The following HYDIN variants were observed in gnomAD, a reference collection of about 807,000 sequenced individuals.
HYDIN encodes HYDIN axonemal central pair apparatus protein.
A neutral mutation model predicts 403.9 loss-of-function variants in HYDIN; 132 were observed. The observed-to-expected ratio is 0.33, with a 90% CI of 0.28 to 0.38. The LOEUF is 0.38. Ranked by LOEUF, HYDIN falls within the 10% of genes least tolerant of loss-of-function variation. The probability of loss-of-function intolerance (pLI) is 1.00; values close to 1 mark genes in which losing one functional copy is unlikely to be tolerated. For synonymous variants in HYDIN, 1,202 were observed against 1,891.7 expected (o/e 0.64, Z 9.46); for missense variants, 2,827 against 5,009.5 (o/e 0.56, Z 13.15).
In HYDIN at chr16:71,185,027, G is replaced by C. The variant is rs763297205; in HGVS notation, c.136-37C>G. The stretch of plus-strand genomic sequence containing the variant: ...AACAATAAGAACCAAAGATTCTTAA[G>C]TGGATGTACTGAAAAAGTGTTTTCA... On this transcript the variant is annotated intron_variant, in intron 2 of 85. Transcript: ENST00000393567. 8 of 1,483,484 alleles carry C rather than the reference G, an allele frequency of 5.4e-6. No individual in the cohort carries two copies. In the Admixed American group the frequency reaches 1.3e-4, roughly 25 times the overall value. 91.9% of individuals were successfully genotyped at this position (1,483,484 alleles called of 1,614,324 possible).
intron 43 of HYDIN, among the ~76,000 whole-genome samples, chr16:70,940,485 A>C (rs1332898149): frequency 1.3e-5 from 2 of 151,794 alleles, no homozygotes; most frequent in East Asian, 3.9e-4. Flanking sequence ...GTGTAATAAT[A>C]GTGTGACCGT....
intron 53 of HYDIN, among the ~76,000 whole-genome samples, chr16:70,897,488 C>T (rs967457108): frequency 4.0e-5 from 6 of 151,454 alleles, no homozygotes; most frequent in Non-Finnish European, 5.9e-5. Flanking sequence ...ACTTGAGTTT[C>T]GCCTTCTTTC....
At chr16:70,830,975 GT>G (rs1327287541) in intron 80 of HYDIN, among the ~76,000 whole-genome samples, 2 of 151,556 alleles carry the variant, frequency 1.3e-5, no homozygotes, top group Non-Finnish European at 2.9e-5. Flanking sequence ...TACTGTTGTT[GT>G]TTTGTAGAGA....
intron 3 of HYDIN, among the ~76,000 whole-genome samples, chr16:71,181,311 T>G (rs1357633420): frequency 6.6e-6 from 1 of 151,766 alleles, no homozygotes; most frequent in Non-Finnish European, 1.5e-5. Flanking sequence ...GATAGGAGGA[T>G]TTGCTATATC....
intron 1 of HYDIN, among the ~76,000 whole-genome samples, chr16:71,225,366 A>G (rs540311818): frequency 1.4e-4 from 22 of 152,086 alleles, no homozygotes; most frequent in Non-Finnish European, 2.8e-4. Context: ...AAATTCCTTA[A>G]ACTCTCATAC....
At chr16:71,178,434 A>AAAAAT (rs1555501894) in intron 4 of HYDIN, among the ~76,000 whole-genome samples, 6 of 94,544 alleles carry the variant, frequency 6.3e-5, no homozygotes, top group South Asian at 3.7e-4. Flanking sequence ...AAAAAAAAAA[A>AAAAAT]ATATATATAT....
In HYDIN at chr16:71,069,375, G is replaced by A; in HGVS notation, c.1866C>T (p.Tyr622=). The A allele has an allele frequency of 6.2e-7, 1 of 1,614,184 alleles. No homozygotes were observed. The highest frequency in any genetic ancestry group is 8.5e-7 in the Non-Finnish European group (1 of 1,180,022). ...CTTCCTTGGTCCAAGATGGTCTTTT[G>A]TAGTCCACATGCTGCTCACAATATG... is the stretch of plus-strand genomic sequence containing the variant. ...SISYCEQHVD[Y]KRPSWTKEEI... Residue 622 remains tyrosine, a synonymous_variant, in exon 14 of 86, where the codon TAC becomes TAT. Transcript: ENST00000393567.
At chr16:70,906,821 T>C (rs1003914117) in intron 50 of HYDIN, among the ~76,000 whole-genome samples, 7 of 152,228 alleles carry the variant, frequency 4.6e-5, no homozygotes, top group Non-Finnish European at 8.8e-5. Context: ...CAGTATTCAG[T>C]GTAGCAACCA....
chr16:71,069,693 G>A (rs2082397046), intron 13 of HYDIN, among the ~76,000 whole-genome samples, 191 bp from the exon 14 acceptor site: 1 of 151,916 alleles, frequency 6.6e-6, no homozygotes, highest in Admixed American at 6.6e-5. Context: ...ATTCATTAAT[G>A]TATCTACTTT....
chr16:71,047,426 G>C (rs1365179543), intron 18 of HYDIN, among the ~76,000 whole-genome samples: 1 of 151,742 alleles, frequency 6.6e-6, no homozygotes, highest in East Asian at 1.9e-4. Flanking sequence ...AAATGAAAAA[G>C]GTCTCAGGTG....
intron 23 of HYDIN, among the ~76,000 whole-genome samples, chr16:71,006,997 C>G (rs1330298933): frequency 6.7e-6 from 1 of 149,992 alleles, no homozygotes; most frequent in Non-Finnish European, 1.5e-5. Flanking sequence ...CTCTCCCTGT[C>G]TCTTCCCTCC....
chr16:71,070,259 CTT>C (rs2082419234), intron 13 of HYDIN, among the ~76,000 whole-genome samples: 3 of 151,114 alleles, frequency 2.0e-5, no homozygotes, highest in Non-Finnish European at 2.9e-5. Flanking sequence ...TTCTTTCTTT[CTT>C]TCTTTCTCTC....
At chr16:70,834,376 A>G (rs1264308520) in intron 78 of HYDIN, among the ~76,000 whole-genome samples, 1 of 151,822 alleles carries the variant, frequency 6.6e-6, no homozygotes, top group African/African-American at 2.4e-5. Flanking sequence ...GTAGCACATA[A>G]TAGATATTTA....
Position 71,151,114 on chromosome 16 carries a change from C to T in HYDIN, c.841+1545G>A, listed in dbSNP as rs567725185. ...TGGGAATGTAAAATGACACAACTATCTTGGAAAACTGATGCCCCAATGTGT... is the reference window on the plus strand; with the variant it reads ...TGGGAATGTAAAATGACACAACTATTTTGGAAAACTGATGCCCCAATGTGT... On this transcript the variant is annotated intron_variant, in intron 7 of 85. Transcript: ENST00000393567. Among the ~76,000 whole-genome samples, 6 of 152,278 alleles carry T rather than the reference C, an allele frequency of 3.9e-5. No individual in the cohort carries two copies. In the East Asian group the frequency reaches 1.2e-3, roughly 29 times the overall value.
intron 64 of HYDIN, among the ~76,000 whole-genome samples, chr16:70,872,592 C>A (rs2040196157): frequency 6.7e-6 from 1 of 150,204 alleles, no homozygotes; most frequent in Non-Finnish European, 1.5e-5. Flanking sequence ...TCCATCCACC[C>A]ACCCATCCAG....
intron 9 of HYDIN, among the ~76,000 whole-genome samples, chr16:71,125,963 A>C (rs6499472): frequency 1.3e-5 from 2 of 149,430 alleles, no homozygotes; most frequent in African/African-American, 5.0e-5. Context: ...CTGTGTCCAC[A>C]TTCCACAGAA....
chr16:71,002,307 A>G (rs1289434435), intron 23 of HYDIN, among the ~76,000 whole-genome samples: 1 of 152,174 alleles, frequency 6.6e-6, no homozygotes, highest in East Asian at 1.9e-4. Context: ...GTACTTTGGG[A>G]GCCCAAGGTA....
chr16:70,890,002 T>C (rs2041377407), intron 57 of HYDIN, among the ~76,000 whole-genome samples: 2 of 152,278 alleles, frequency 1.3e-5, no homozygotes. Flanking sequence ...TGGAAAGCAG[T>C]GTGCAGAAAA....
intron 60 of HYDIN, among the ~76,000 whole-genome samples, chr16:70,881,894 C>T (rs1278579212): frequency 6.6e-6 from 1 of 152,182 alleles, no homozygotes; most frequent in Non-Finnish European, 1.5e-5. Context: ...GTATTTGCCA[C>T]ACATTGGATT....
Sources: gnomAD v4.1 joint callset for allele counts (sites outside exome capture counted in the v4.1 genomes callset) on GRCh38, gnomAD v4.1.1 for gene constraint, MANE v1.5 for transcripts, NCBI Gene and HGNC (gene_info 2026-07-23, HGNC 2026-07-21) for gene names.